SETD2: variants seen among roughly 807,000 people sequenced by gnomAD.
SETD2 encodes the protein SET domain containing 2, histone lysine methyltransferase, also known as histone-lysine N-methyltransferase SETD2.
In SETD2, 31 loss-of-function variants were observed where a neutral mutation model predicts 242.1. The observed-to-expected ratio is 0.13, with a 90% CI of 0.10 to 0.17. The LOEUF (loss-of-function observed/expected upper bound fraction) is 0.17. Ranked by LOEUF, SETD2 falls within the 10% of genes least tolerant of loss-of-function variation. The pLI is 1.00. For synonymous variants in SETD2, 1,006 were observed against 1,066.5 expected (o/e 0.94, Z 1.11); for missense variants, 2,481 against 3,046.3 (o/e 0.81, Z 4.37).
intron 12 of SETD2, among the ~76,000 whole-genome samples, chr3:47,073,982 G>A (rs1045799749): frequency 7.9e-5 from 12 of 152,192 alleles, no homozygotes; most frequent in Admixed American, 6.5e-5. Context: ...CTAATTTTTA[G>A]TAACTTAGCC....
Position 47,121,642 on chromosome 3 carries a change from A to C in SETD2, c.2994T>G (p.Val998=), listed in dbSNP as rs2043092874. The C allele has an allele frequency of 1.7e-5, 28 of 1,614,040 alleles. No individual in the cohort carries two copies. Among genetic ancestry groups the C allele is most frequent in the Non-Finnish European group, 2.3e-5 (27 of 1,179,940 alleles). Residue 998 remains valine (V), a synonymous_variant, in exon 3 of 21, where the codon GTT becomes GTG. Coordinates refer to ENST00000409792, the MANE Select transcript of SETD2 (RefSeq NM_014159.7). ...AATTCAAATCACAAGAAGAAAATAC[A>C]ACTTCTGAGTCATCAGAAGTATGCA... ...GHVHTSDDSE[V]VFSSCDLNLT... is the part of the protein sequence containing the mutation.
intron 18 of SETD2, 150 bp from the exon 19 acceptor site, chr3:47,019,990 G>A: frequency 1.5e-6 from 1 of 654,952 alleles, no homozygotes; most frequent in Non-Finnish European, 2.7e-6. Flanking sequence ...TCAGGTACAA[G>A]GCCTGGAGTC....
chr3:47,128,247 T>C (rs1409884169), intron 1 of SETD2, among the ~76,000 whole-genome samples: 1 of 152,214 alleles, frequency 6.6e-6, no homozygotes, highest in African/African-American at 2.4e-5. Flanking sequence ...ATCTGCTCCA[T>C]AACACAATGC....
At chr3:47,027,336 CAAAAAA>C (rs145911577) in intron 18 of SETD2, among the ~76,000 whole-genome samples, 2 of 103,738 alleles carry the variant, frequency 1.9e-5, no homozygotes, top group Non-Finnish European at 3.5e-5. Flanking sequence ...GACTCCATCT[CAAAAAA>C]AAAAAAAAAA....
intron 5 of SETD2, among the ~76,000 whole-genome samples, chr3:47,107,582 T>A (rs949092526): frequency 6.6e-6 from 1 of 152,130 alleles, no homozygotes; most frequent in Admixed American, 6.6e-5. Context: ...ATATTTGAAA[T>A]GTCCTTTCTA....
chr3:47,163,978 G>GGGGGAGGGGA lies in SETD2; in HGVS notation c.-64_-55dup. The GGGGGAGGGGA allele has an allele frequency of 8.0e-7, 1 of 1,256,768 alleles. No individual in the cohort carries two copies. 77.9% of individuals were successfully genotyped at this position (1,256,768 alleles called of 1,614,324 possible). A position where few individuals can be genotyped will look rare whatever the true frequency, so the allele number is the denominator to read the frequency against. On this transcript the variant is annotated 5_prime_UTR_variant, in exon 1 of 21. Coordinates refer to ENST00000409792, the MANE Select transcript of SETD2 (RefSeq NM_014159.7). ...CCCCCTCCCCGCAGCAGGGCGACGCGGGGGAGGGGAGGGGAGGAGGCCGCA... is the reference window on the plus strand; with the variant it reads ...CCCCCTCCCCGCAGCAGGGCGACGCGGGGGAGGGGAGGGGAGGGGAGGGGAGGAGGCCGCA...
At chr3:47,132,293 G>A (rs1039470178) in intron 1 of SETD2, among the ~76,000 whole-genome samples, 30 of 151,814 alleles carry the variant, frequency 2.0e-4, no homozygotes, top group African/African-American at 4.6e-4. Context: ...CCACTGCACC[G>A]GGCTAATATT....
chr3:47,093,716 A>G (rs1220066838), intron 9 of SETD2, among the ~76,000 whole-genome samples: 1 of 152,164 alleles, frequency 6.6e-6, no homozygotes, highest in Non-Finnish European at 1.5e-5. Flanking sequence ...CTCATATGGT[A>G]TATGTTCTTT....
At chr3:47,046,281 G>A (rs886147329) in intron 16 of SETD2, among the ~76,000 whole-genome samples, 126 of 150,140 alleles carry the variant, frequency 8.4e-4, no homozygotes, top group Non-Finnish European at 2.5e-4. Flanking sequence ...AGGTTGCAGT[G>A]AGCCAAGATT....
chr3:47,036,915 A>AAAAAAAAAAAAAG lies in SETD2; in HGVS notation c.7350+750_7350+751insCTTTTTTTTTTTT, dbSNP rs2039024868. Among the ~76,000 whole-genome samples the AAAAAAAAAAAAAG allele has an allele frequency of 3.3e-5, 5 of 149,362 alleles. No homozygotes were observed. In the South Asian group the frequency reaches 1.1e-3, roughly 32 times the overall value. ...AGACTCCGTCTCATTTAAAAAAAAA[A>AAAAAAAAAAAAAG]GGCAAAGAGAACAAGAGAGGCCCTG... On this transcript the variant is annotated intron_variant, in intron 18 of 20. Transcript: ENST00000409792.
chr3:47,101,799 C>G (rs1454442890), intron 7 of SETD2, among the ~76,000 whole-genome samples: 1 of 151,622 alleles, frequency 6.6e-6, no homozygotes, highest in Non-Finnish European at 1.5e-5. Context: ...ATCTCTAATT[C>G]GTCTCTAATA....
At chr3:47,096,597 G>A (rs6796908) in intron 9 of SETD2, among the ~76,000 whole-genome samples, 2,534 of 21,212 alleles carry the variant, frequency 0.12, 271 homozygotes, top group African/African-American at 0.34. Flanking sequence ...AAAAAAAAAA[G>A]GGGGGCTGGG....
rs2106643078 is a variant in SETD2 at position 47,121,224 on chromosome 3, C to T, written c.3412G>A (p.Glu1138Lys). Reference sequence around the variant, plus strand: ...GTAAAAGAAATTTCCGGATTCTTCTCTGTTCCTTTATGAAGGAAAAACTTA... The same window carrying T: ...GTAAAAGAAATTTCCGGATTCTTCTTTGTTCCTTTATGAAGGAAAAACTTA... ...TDKFFLHKGT[E>K]KNPEISFTQS... The change falls in exon 3 of 21, where the codon GAG (glutamate) becomes AAG (lysine). Residue 1138 changes from glutamate (E) to lysine (K), a missense_variant. Around this residue, in one of 17 missense-constraint regions of SETD2, gnomAD observed 1,300 missense variants for 1,259.2 expected, o/e 1.03. Coordinates refer to ENST00000409792, the MANE Select transcript of SETD2 (RefSeq NM_014159.7). 2.5e-6 allele frequency: 4 copies of T among 1,614,148 alleles called. No individual in the cohort carries two copies. In the South Asian group the frequency reaches 4.4e-5, roughly 18 times the overall value.
chr3:47,026,827 G>A (rs534131467), intron 18 of SETD2, among the ~76,000 whole-genome samples: 9 of 152,124 alleles, frequency 5.9e-5, no homozygotes, highest in South Asian at 2.1e-4. Context: ...ACTAGGGGAG[G>A]GATGGCATTA....
chr3:47,110,711 G>A (rs1359757466), intron 5 of SETD2, among the ~76,000 whole-genome samples: 1 of 152,052 alleles, frequency 6.6e-6, no homozygotes, highest in African/African-American at 2.4e-5. Flanking sequence ...TAAACTATTG[G>A]TATTACACAT....
intron 18 of SETD2, among the ~76,000 whole-genome samples, chr3:47,026,715 C>T (rs1212602133): frequency 6.6e-6 from 1 of 151,854 alleles, no homozygotes; most frequent in Non-Finnish European, 1.5e-5. Flanking sequence ...AACACAAAAC[C>T]AAACACCACA....
rs2107577026 is a variant in SETD2 at position 47,057,319 on chromosome 3, A to T, written c.6465T>A (p.Leu2155=). ...GMTSPLPYDS[L]GYNAPHHPFA... is the part of the protein sequence containing the mutation. ...AGGGATGATGCGGGGCATTATAACC[A>T]AGAGAGTCATAGGGCAGTGGTGATG... The change falls in exon 15 of 21, where the codon CTT becomes CTA. Residue 2155 remains leucine (L), a synonymous_variant. Transcript: ENST00000409792. The T allele has an allele frequency of 6.2e-7, 1 of 1,614,210 alleles. No homozygotes were observed.
chr3:47,050,267 T>C (rs1466111727), intron 15 of SETD2, among the ~76,000 whole-genome samples: 1 of 152,040 alleles, frequency 6.6e-6, no homozygotes, highest in Non-Finnish European at 1.5e-5. Flanking sequence ...TGTACACCTA[T>C]TATGTATCAA....
intron 10 of SETD2, 127 bp from the exon 11 acceptor site, chr3:47,086,441 C>T (rs2041562411): frequency 1.2e-6 from 1 of 815,380 alleles, no homozygotes; most frequent in Non-Finnish European, 1.9e-6. Context: ...ACAAAAAAAA[C>T]CTAGAAACTC....
Sources: gnomAD v4.1 joint callset for allele counts (sites outside exome capture counted in the v4.1 genomes callset) on GRCh38, gnomAD v4.1.1 for gene constraint, gnomAD v4.1.1 regional missense constraint, MANE v1.5 for transcripts, NCBI Gene and HGNC (gene_info 2026-07-23, HGNC 2026-07-21) for gene names.